IGF1: variants seen among roughly 807,000 people sequenced by gnomAD.
IGF1 encodes insulin like growth factor 1, also known as insulin-like growth factor 1.
Under a neutral mutation model 13.8 loss-of-function variants are expected in IGF1, and 4 were observed. The observed-to-expected ratio is 0.29, with a 90% CI of 0.14 to 0.66. The LOEUF (loss-of-function observed/expected upper bound fraction) is 0.66. IGF1 is among the 30% of genes least tolerant of loss of function. IGF1 has a pLI of 0.78. For synonymous variants in IGF1, 76 were observed against 72.6 expected (o/e 1.05, Z -0.23); for missense variants, 124 against 188.5 (o/e 0.66, Z 2.00).
chr12:102,478,690 A>C, intron 1 of IGF1: 1 of 1,321,628 alleles, frequency 7.6e-7, no homozygotes. Context: ...GTCCATTGAA[A>C]CAATGAACAA....
chr12:102,441,605 C>G (rs909321997), intron 2 of IGF1, among the ~76,000 whole-genome samples: 12 of 152,148 alleles, frequency 7.9e-5, no homozygotes, highest in African/African-American at 2.9e-4. Context: ...AGCTCGTGGG[C>G]AGAGGATGGG....
chr12:102,453,165 A>T (rs1047437492), intron 2 of IGF1, among the ~76,000 whole-genome samples: 3 of 152,192 alleles, frequency 2.0e-5, no homozygotes, highest in African/African-American at 7.2e-5. Context: ...TGCCATTAGC[A>T]TTCTTTTACA....
At chr12:102,448,789 T>A (rs1214303237) in intron 2 of IGF1, among the ~76,000 whole-genome samples, 2 of 147,686 alleles carry the variant, frequency 1.4e-5, no homozygotes, top group African/African-American at 5.0e-5. Flanking sequence ...CCATCGGACA[T>A]GAAAAAAAAG....
Position 102,419,514 on chromosome 12 carries a change from G to A in IGF1, c.397C>T (p.Gln133Ter). The A allele has an allele frequency of 6.2e-7, 1 of 1,612,860 alleles. No homozygotes were observed. Among genetic ancestry groups the A allele is most frequent in the Non-Finnish European group, 8.5e-7 (1 of 1,179,672 alleles). ...TCCCACCCAGGTGGGCTTACCTTCTGGGTCTTGGGCATGTCGGTGTGGCGC... is the reference window on the plus strand; with the variant it reads ...TCCCACCCAGGTGGGCTTACCTTCTAGGTCTTGGGCATGTCGGTGTGGCGC... ...AQRHTDMPKT[Q>*]KEVHLKNASR... The change falls in exon 3 of 4, where the codon CAG (glutamine) becomes TAG (stop). Residue 133 changes from glutamine to a stop codon, truncating the protein, a stop_gained. Coordinates refer to ENST00000337514, the MANE Select transcript of IGF1 (RefSeq NM_000618.5). LOFTEE classifies it high-confidence loss of function.
At chr12:102,443,162 C>A (rs1878017218) in intron 2 of IGF1, among the ~76,000 whole-genome samples, 2 of 152,022 alleles carry the variant, frequency 1.3e-5, no homozygotes, top group Non-Finnish European at 2.9e-5. Context: ...AGCTATTTTC[C>A]CTCTTTCTGC....
chr12:102,458,268 T>G (rs1752860996), intron 2 of IGF1, among the ~76,000 whole-genome samples: 1 of 152,198 alleles, frequency 6.6e-6, no homozygotes, highest in African/African-American at 2.4e-5. Context: ...ACTCAATTCA[T>G]TATCTCAGCC....
At chr12:102,402,644 C>A (rs1873785619) in intron 3 of IGF1, 78 bp from the exon 4 acceptor site, 3 of 773,660 alleles carry the variant, frequency 3.9e-6, no homozygotes, top group Non-Finnish European at 4.8e-6. Flanking sequence ...TGGGCCTCAA[C>A]CTTCCATGTC....
At chr12:102,478,430 G>C in intron 1 of IGF1, 1 of 1,212,920 alleles carries the variant, frequency 8.2e-7, no homozygotes, top group Non-Finnish European at 1.2e-6. Flanking sequence ...AGATGTCTGG[G>C]CCACAATGAA....
At chr12:102,444,873 G>C (rs538665998) in intron 2 of IGF1, among the ~76,000 whole-genome samples, 14 of 152,226 alleles carry the variant, frequency 9.2e-5, no homozygotes, top group African/African-American at 2.9e-4. Flanking sequence ...GGTGGTACAA[G>C]ATACAAGGAC....
Position 102,475,786 on chromosome 12 carries a change from G to A in IGF1, c.77C>T (p.Thr26Ile), listed in dbSNP as rs1239905891. The A allele has an allele frequency of 1.9e-6, 3 of 1,613,464 alleles. No homozygotes were observed. The Admixed American group carries it at 5.0e-5, about 27-fold the overall frequency. The change falls in exon 2 of 4, where the codon ACC becomes ATC. Residue 26 changes from threonine to isoleucine, a missense_variant. By Grantham distance (89) the Thr-to-Ile change is moderately conservative (BLOSUM62 -1). This residue lies in a region of IGF1 where 99 missense variants were observed against 171.4 expected (regional missense o/e 0.58). Coordinates refer to ENST00000337514, the MANE Select transcript of IGF1 (RefSeq NM_000618.5). ...GTAGAAGAGATGCGAGGAGGACATGGTGTGCATCTTCACCTGCCCAAGAAA... is the reference window on the plus strand; with the variant it reads ...GTAGAAGAGATGCGAGGAGGACATGATGTGCATCTTCACCTGCCCAAGAAA... ...FCDFLKVKMH[T>I]MSSSHLFYLA...
intron 2 of IGF1, among the ~76,000 whole-genome samples, chr12:102,439,836 C>T (rs1446868955): frequency 1.3e-5 from 2 of 152,036 alleles, no homozygotes. Flanking sequence ...GATTATTACA[C>T]AGAAGATTAT....
chr12:102,405,852 G>A (rs899792528), intron 3 of IGF1, among the ~76,000 whole-genome samples: 2 of 152,194 alleles, frequency 1.3e-5, no homozygotes, highest in African/African-American at 2.4e-5. Flanking sequence ...TAAATTAGCG[G>A]GGGGCTATAG....
At chr12:102,414,217 A>G (rs1054405398) in intron 3 of IGF1, among the ~76,000 whole-genome samples, 6 of 151,952 alleles carry the variant, frequency 3.9e-5, no homozygotes, top group Admixed American at 2.0e-4. Flanking sequence ...TCACACACAT[A>G]CACACACACA....
At chr12:102,422,074 G>A (rs184189569) in intron 2 of IGF1, among the ~76,000 whole-genome samples, 9 of 152,178 alleles carry the variant, frequency 5.9e-5, no homozygotes, top group African/African-American at 2.2e-4. Flanking sequence ...TTGCTTAAAT[G>A]AGCTCAGAAT....
chr12:102,413,096 A>G (rs925032607), intron 3 of IGF1, among the ~76,000 whole-genome samples: 2 of 152,238 alleles, frequency 1.3e-5, no homozygotes, highest in Admixed American at 6.5e-5. Flanking sequence ...CTTAGGCCAA[A>G]GGAATCAGTA....
chr12:102,427,359 CAT>C (rs979767208), intron 2 of IGF1, among the ~76,000 whole-genome samples: 3 of 152,182 alleles, frequency 2.0e-5, no homozygotes, highest in African/African-American at 7.2e-5. Flanking sequence ...TGTAACAAAA[CAT>C]AAGGCATTCG....
chr12:102,419,875 G>A (rs1350192106), intron 2 of IGF1, among the ~76,000 whole-genome samples, 185 bp from the exon 3 acceptor site: 4 of 152,028 alleles, frequency 2.6e-5, no homozygotes, highest in South Asian at 4.2e-4. Context: ...TATGTCTCCC[G>A]GAGTCTGTAC....
chr12:102,413,448 AG>A (rs111840225), intron 3 of IGF1, among the ~76,000 whole-genome samples: 17 of 152,330 alleles, frequency 1.1e-4, no homozygotes, highest in African/African-American at 3.8e-4. Flanking sequence ...GATGGAGGCG[AG>A]AGAAGGGGAA....
chr12:102,427,593 CA>C (rs1876323448), intron 2 of IGF1, among the ~76,000 whole-genome samples: 1 of 152,228 alleles, frequency 6.6e-6, no homozygotes, highest in Middle Eastern at 3.4e-3. Context: ...GACCTTGTCC[CA>C]GGGGTGGGAG....
Sources: gnomAD v4.1 joint callset for allele counts (sites outside exome capture counted in the v4.1 genomes callset) on GRCh38, gnomAD v4.1.1 for gene constraint, gnomAD v4.1.1 regional missense constraint, MANE v1.5 for transcripts, NCBI Gene and HGNC (gene_info 2026-07-23, HGNC 2026-07-21) for gene names.